GPC5: variants seen among roughly 807,000 people sequenced by gnomAD.
GPC5 encodes the protein glypican 5.
GPC5 carries 47 observed loss-of-function variants against 53.9 expected under a neutral mutation model. The ratio of observed to expected loss-of-function variants is 0.87; its 90% confidence interval spans 0.69 to 1.11. The LOEUF (loss-of-function observed/expected upper bound fraction) is 1.11. Among genes scored for constraint, GPC5 ranks in the 50% most tolerant of loss-of-function variants. The pLI is 0.00. For missense variants in GPC5, 748 were observed against 713.1 expected (o/e 1.05, Z -0.56); for synonymous variants, 286 against 263.3 (o/e 1.09, Z -0.84).
chr13:92,483,618 A>T (rs1351391541), intron 7 of GPC5, among the ~76,000 whole-genome samples: 1 of 151,960 alleles, frequency 6.6e-6, no homozygotes, highest in African/African-American at 2.4e-5. Context: ...AACAATTATT[A>T]AAAATATTTC....
chr13:92,637,096 C>A (rs1240588097), intron 7 of GPC5, among the ~76,000 whole-genome samples: 1 of 152,100 alleles, frequency 6.6e-6, no homozygotes, highest in Admixed American at 6.6e-5. Flanking sequence ...GGTTACGACC[C>A]CCAAAATTCT....
rs1022177653 is a variant in GPC5 at position 92,592,689 on chromosome 13, A to G, written c.1562-273593A>G. Among the ~76,000 whole-genome samples, 4 of 151,450 alleles carry G rather than the reference A, an allele frequency of 2.6e-5. No individual in the cohort carries two copies. The South Asian group carries it at 6.2e-4, about 24-fold the overall frequency. The stretch of plus-strand genomic sequence containing the variant: ...GTACCAGTTGAGAGATAATACCTAC[A>G]TGTTATGAGGGAGTGAGTGGTTCAT... On this transcript the variant is annotated intron_variant, in intron 7 of 7. Transcript: ENST00000377067.
chr13:92,527,108 A>AGG (rs75868236), intron 7 of GPC5, among the ~76,000 whole-genome samples: 1 of 39,024 alleles, frequency 2.6e-5, no homozygotes, highest in African/African-American at 8.0e-5. Context: ...AAAGAAAGAA[A>AGG]AAAGAAAGAA....
chr13:92,284,419 C>A (rs1354032453), intron 7 of GPC5, among the ~76,000 whole-genome samples: 1 of 152,122 alleles, frequency 6.6e-6, no homozygotes, highest in Non-Finnish European at 1.5e-5. Flanking sequence ...ATACCAAAGC[C>A]TGACAGAGGC....
At chr13:91,650,750 G>GTTTTTTTTT (rs67507888) in intron 2 of GPC5, among the ~76,000 whole-genome samples, 14 of 99,592 alleles carry the variant, frequency 1.4e-4, no homozygotes, top group African/African-American at 5.3e-4. Flanking sequence ...ATTCCCATAA[G>GTTTTTTTTT]TTTTTTTTTT....
intron 7 of GPC5, among the ~76,000 whole-genome samples, chr13:92,807,747 T>C (rs960113926): frequency 6.6e-6 from 1 of 152,128 alleles, no homozygotes; most frequent in Non-Finnish European, 1.5e-5. Context: ...ATTTACTTTA[T>C]TGTTAAATTG....
intron 2 of GPC5, among the ~76,000 whole-genome samples, chr13:91,576,930 TAA>T (rs5805706): frequency 2.7e-5 from 4 of 149,646 alleles, no homozygotes; most frequent in East Asian, 3.9e-4. Flanking sequence ...GGTTCATCTG[TAA>T]AAAAAAAAAA....
chr13:92,169,105 C>T (rs1398992250), intron 7 of GPC5, among the ~76,000 whole-genome samples: 2 of 152,084 alleles, frequency 1.3e-5, no homozygotes, highest in Non-Finnish European at 2.9e-5. Flanking sequence ...TGCATGTTCT[C>T]GCTTCTAAGT....
intron 7 of GPC5, among the ~76,000 whole-genome samples, chr13:92,261,138 A>G (rs2042764166): frequency 6.6e-6 from 1 of 152,170 alleles, no homozygotes; most frequent in South Asian, 2.1e-4. Flanking sequence ...ATATGTTTGA[A>G]ATTATATGGA....
In GPC5 at chr13:92,217,523, T is replaced by C. The variant is rs142185395; in HGVS notation, c.1561+72534T>C. Among the ~76,000 whole-genome samples the C allele has an allele frequency of 2.7e-3, 409 of 152,264 alleles. 3 individuals carry two copies. Among genetic ancestry groups the C allele is most frequent in the African/African-American group, 9.3e-3 (386 of 41,558 alleles). ...CTCCTGATATTTTCTGCTAGTAACT[T>C]TCTATCTGCTGATAGTCCCATCTCC... On this transcript the variant is annotated intron_variant, in intron 7 of 7. Coordinates refer to ENST00000377067, the MANE Select transcript of GPC5 (RefSeq NM_004466.6).
At chr13:92,731,645 A>G (rs917595994) in intron 7 of GPC5, among the ~76,000 whole-genome samples, 9 of 151,424 alleles carry the variant, frequency 5.9e-5, no homozygotes, top group African/African-American at 1.9e-4. Context: ...ACTTAAATTG[A>G]GAGTAAATCT....
At chr13:92,467,287 G>A (rs906449198) in intron 7 of GPC5, among the ~76,000 whole-genome samples, 5 of 152,104 alleles carry the variant, frequency 3.3e-5, no homozygotes, top group African/African-American at 1.2e-4. Flanking sequence ...ATAATGGGCA[G>A]AAATTCATGT....
At chr13:91,780,469 C>T (rs1007846794) in intron 5 of GPC5, among the ~76,000 whole-genome samples, 1 of 152,052 alleles carries the variant, frequency 6.6e-6, no homozygotes, top group Non-Finnish European at 1.5e-5. Context: ...CTCCTTCCTT[C>T]TTCCTCACTC....
intron 2 of GPC5, among the ~76,000 whole-genome samples, chr13:91,455,949 A>G (rs113217541): frequency 2.5e-3 from 383 of 152,216 alleles, no homozygotes; most frequent in African/African-American, 8.8e-3. Flanking sequence ...CAATAATTTC[A>G]AATTGAATGT....
At chr13:91,640,281 C>G (rs1340821394) in intron 2 of GPC5, among the ~76,000 whole-genome samples, 1 of 151,978 alleles carries the variant, frequency 6.6e-6, no homozygotes, top group African/African-American at 2.4e-5. Context: ...TGAACTTAAA[C>G]AAATTTACAA....
chr13:91,800,291 G>T (rs1402019400), intron 5 of GPC5, among the ~76,000 whole-genome samples: 1 of 152,010 alleles, frequency 6.6e-6, no homozygotes, highest in Non-Finnish European at 1.5e-5. Context: ...AAAAATATTT[G>T]CTTTGGATTA....
At chr13:91,448,948 T>G in intron 2 of GPC5, 26 bp downstream of exon 2, 1 of 1,607,554 alleles carries the variant, frequency 6.2e-7, no homozygotes, top group Non-Finnish European at 8.5e-7. Context: ...ATTCTGCAAC[T>G]AAGGACTGGC....
At chr13:91,825,483 G>A (rs1170687223) in intron 5 of GPC5, among the ~76,000 whole-genome samples, 6 of 152,066 alleles carry the variant, frequency 3.9e-5, no homozygotes, top group African/African-American at 1.4e-4. Flanking sequence ...GCCTTATAAT[G>A]GTTGAAATAA....
At chr13:91,982,866 A>G (rs1050434284) in intron 6 of GPC5, among the ~76,000 whole-genome samples, 2 of 152,188 alleles carry the variant, frequency 1.3e-5, no homozygotes, top group African/African-American at 4.8e-5. Flanking sequence ...CATAAGGAAG[A>G]GAAGAGCTTC....
Sources: gnomAD v4.1 joint callset for allele counts (sites outside exome capture counted in the v4.1 genomes callset) on GRCh38, gnomAD v4.1.1 for gene constraint, MANE v1.5 for transcripts, NCBI Gene and HGNC (gene_info 2026-07-23, HGNC 2026-07-21) for gene names.